ST6GALNAC5: variants seen among roughly 807,000 people sequenced by gnomAD.
The protein encoded by ST6GALNAC5 is ST6 N-acetylgalactosaminide alpha-2,6-sialyltransferase 5, also known as alpha-N-acetylgalactosaminide alpha-2,6-sialyltransferase 5.
A neutral mutation model predicts 33.6 loss-of-function variants in ST6GALNAC5; 27 were observed. The observed-to-expected ratio is 0.80, with a 90% CI of 0.59 to 1.11. The LOEUF (loss-of-function observed/expected upper bound fraction) is 1.11, where lower values mean the gene tolerates loss of function less well. Among genes scored for constraint, ST6GALNAC5 ranks in the 50% least tolerant of loss-of-function variants. ST6GALNAC5 has a pLI of 0.00. For synonymous variants in ST6GALNAC5, 194 were observed against 171.2 expected, an observed-to-expected ratio of 1.13 and a Z score of -1.04; for missense variants, 428 against 454.0, an observed-to-expected ratio of 0.94 and a Z score of 0.52.
At chr1:76,947,911 A>G (rs1184987688) in intron 2 of ST6GALNAC5, among the ~76,000 whole-genome samples, 3 of 152,092 alleles carry the variant, frequency 2.0e-5, no homozygotes, top group African/African-American at 7.2e-5. Flanking sequence ...AACTTTTTTT[A>G]TCCTGCAGAA....
intron 2 of ST6GALNAC5, among the ~76,000 whole-genome samples, chr1:76,906,483 T>C (rs1044355380): frequency 1.4e-4 from 21 of 152,336 alleles, no homozygotes; most frequent in African/African-American, 4.8e-4. Flanking sequence ...CAGATAATTA[T>C]TCTTGAAACT....
intron 2 of ST6GALNAC5, among the ~76,000 whole-genome samples, chr1:76,941,939 A>T (rs1313552859): frequency 6.6e-6 from 1 of 152,146 alleles, no homozygotes; most frequent in East Asian, 1.9e-4. Flanking sequence ...AGGTGTTAGA[A>T]GGGACAGTGT....
Position 77,067,160 on chromosome 1 carries a change from G to GA in ST6GALNAC5, c.*3954_*3955insA, listed in dbSNP as rs1652806950. Among the ~76,000 whole-genome samples, 1 of 151,978 alleles carries GA rather than the reference G, an allele frequency of 6.6e-6. No individual in the cohort carries two copies. Among genetic ancestry groups the GA allele is most frequent in the Non-Finnish European group, 1.5e-5 (1 of 67,988 alleles). ...AAGAGAACTATAATAATAAGCCCTG[G>GA]GGGGCAGGATGTGTGAACCAATTGC... On this transcript the variant is annotated 3_prime_UTR_variant, in exon 5 of 5. Coordinates refer to ENST00000477717, the MANE Select transcript of ST6GALNAC5 (RefSeq NM_030965.3).
intron 2 of ST6GALNAC5, among the ~76,000 whole-genome samples, chr1:77,008,903 C>G (rs188633196): frequency 5.4e-4 from 83 of 152,326 alleles, no homozygotes; most frequent in African/African-American, 2.0e-3. Flanking sequence ...TTTGGCCTGG[C>G]CCACAGTGCC....
In ST6GALNAC5 at chr1:76,916,028, C is replaced by T. The variant is rs549251876; in HGVS notation, c.261+47286C>T. Among the ~76,000 whole-genome samples the T allele has an allele frequency of 1.5e-3, 220 of 151,376 alleles. 1 individual carries two copies. Among genetic ancestry groups the T allele is most frequent in the African/African-American group, 5.1e-3 (209 of 41,328 alleles). ...ATCTGCATTTTAAAAAAAAAAAACT[C>T]ATTGAAATACTCCTGTAGAATAGAT... On this transcript the variant is annotated intron_variant, in intron 2 of 4. Coordinates refer to ENST00000477717, the MANE Select transcript of ST6GALNAC5 (RefSeq NM_030965.3).
At chr1:76,872,427 G>T (rs1171037344) in intron 2 of ST6GALNAC5, among the ~76,000 whole-genome samples, 1 of 152,068 alleles carries the variant, frequency 6.6e-6, no homozygotes, top group African/African-American at 2.4e-5. Context: ...CCCCAGGGAT[G>T]GATTTTACAC....
At chr1:76,982,578 G>T (rs895614621) in intron 2 of ST6GALNAC5, among the ~76,000 whole-genome samples, 3 of 152,184 alleles carry the variant, frequency 2.0e-5, no homozygotes, top group African/African-American at 7.2e-5. Context: ...AGCCAAGTTG[G>T]AAAACACTCT....
intron 2 of ST6GALNAC5, among the ~76,000 whole-genome samples, chr1:77,005,422 A>G (rs959017058): frequency 2.0e-5 from 3 of 152,216 alleles, no homozygotes; most frequent in Admixed American, 6.5e-5. Flanking sequence ...CCGGTACCTC[A>G]GATGGAAATG....
chr1:76,979,120 A>G lies in ST6GALNAC5; in HGVS notation c.262-65084A>G, dbSNP rs1380029338. 2.0e-5 allele frequency among the ~76,000 whole-genome samples: 3 copies of G among 152,126 alleles called. No individual in the cohort carries two copies. In the East Asian group the frequency reaches 5.8e-4, roughly 29 times the overall value. ...AAAACATGGATGAAAGAAATTGAAT[A>G]AGACACAAAAAAAATGGAAAGGTAA... is the stretch of plus-strand genomic sequence containing the variant. On this transcript the variant is annotated intron_variant, in intron 2 of 4. Transcript: ENST00000477717.
rs186311988 is a variant in ST6GALNAC5, at chr1:77,065,057, A to G, written c.*1851A>G. 46 of 152,340 alleles carry G rather than the reference A, an allele frequency of 3.0e-4. No individual in the cohort carries two copies. Among genetic ancestry groups the G allele is most frequent in the African/African-American group, 1.1e-3 (45 of 41,580 alleles). The allele number at this position is 152,340 out of a possible 1,614,324, so 9.4% of individuals were successfully genotyped here. ...TGGAATATGTTCTTTAAGTTTTCTC[A>G]TAGTTTTTAAAGGGACTATGAATTT... On this transcript the variant is annotated 3_prime_UTR_variant, in exon 5 of 5. Transcript: ENST00000477717.
chr1:76,999,169 G>A (rs1159196056), intron 2 of ST6GALNAC5, among the ~76,000 whole-genome samples: 1 of 152,148 alleles, frequency 6.6e-6, no homozygotes, highest in African/African-American at 2.4e-5. Context: ...CTTTGGAATA[G>A]GGGACAGTAA....
At chr1:76,997,213 G>C (rs192352736) in intron 2 of ST6GALNAC5, among the ~76,000 whole-genome samples, 1 of 152,286 alleles carries the variant, frequency 6.6e-6, no homozygotes, top group East Asian at 1.9e-4. Flanking sequence ...AAGTAAAACT[G>C]AGTGATAGAG....
chr1:77,001,046 G>A (rs1650138825), intron 2 of ST6GALNAC5, among the ~76,000 whole-genome samples: 1 of 152,038 alleles, frequency 6.6e-6, no homozygotes, highest in African/African-American at 2.4e-5. Flanking sequence ...TTGGTAGCTT[G>A]ATGGGGATGG....
At chr1:77,048,583 G>A (rs1332442921) in intron 3 of ST6GALNAC5, among the ~76,000 whole-genome samples, 1 of 152,142 alleles carries the variant, frequency 6.6e-6, no homozygotes, top group Non-Finnish European at 1.5e-5. Context: ...ACCTATGTAG[G>A]CTGAAGGCTT....
intron 4 of ST6GALNAC5, among the ~76,000 whole-genome samples, chr1:77,061,878 C>T (rs1323129874): frequency 6.6e-6 from 1 of 152,150 alleles, no homozygotes; most frequent in Non-Finnish European, 1.5e-5. Flanking sequence ...GGCAGAAAAA[C>T]ACTCGGAGAC....
At position 76,895,860 on chromosome 1, in the gene ST6GALNAC5, G is replaced by A. The variant is rs575112955; in HGVS notation, c.261+27118G>A. 2.7e-4 allele frequency among the ~76,000 whole-genome samples: 41 copies of A among 152,296 alleles called. No homozygotes were observed. In the East Asian group the frequency reaches 5.0e-3, roughly 19 times the overall value. ...AGACTGGGGCCTAATAAAAAGGACC[G>A]TCTGTACAGGAGCTCAAATGGGCTG... On this transcript the variant is annotated intron_variant, in intron 2 of 4. Transcript: ENST00000477717.
chr1:76,887,696 C>T (rs1301397955), intron 2 of ST6GALNAC5, among the ~76,000 whole-genome samples: 2 of 152,118 alleles, frequency 1.3e-5, no homozygotes, highest in African/African-American at 2.4e-5. Flanking sequence ...TTCTCTTGCT[C>T]ATTTTTATTA....
chr1:76,869,201 T>C, intron 2 of ST6GALNAC5: 1 of 180,650 alleles, frequency 5.5e-6, no homozygotes, highest in African/African-American at 2.4e-5. Flanking sequence ...AGCGTTCCCC[T>C]CTGATCTCTC....
At chr1:76,880,980 G>A (rs1317494435) in intron 2 of ST6GALNAC5, among the ~76,000 whole-genome samples, 1 of 152,134 alleles carries the variant, frequency 6.6e-6, no homozygotes, top group Non-Finnish European at 1.5e-5. Flanking sequence ...TAGGATTATG[G>A]AAGATTAAAT....
Sources: gnomAD v4.1 joint callset for allele counts (sites outside exome capture counted in the v4.1 genomes callset) on GRCh38, gnomAD v4.1.1 for gene constraint, MANE v1.5 for transcripts, NCBI Gene and HGNC (gene_info 2026-07-23, HGNC 2026-07-21) for gene names.